Variants in SNX24 observed in about 807,000 individuals in gnomAD.
The protein encoded by SNX24 is sorting nexin-24.
A neutral mutation model predicts 28.7 loss-of-function variants in SNX24; 22 were observed. The observed-to-expected ratio is 0.77, with a 90% confidence interval of 0.55 to 1.10. SNX24 has a LOEUF of 1.10. Ranked by LOEUF, SNX24 falls within the 50% of genes least tolerant of loss-of-function variation. The pLI, the probability that SNX24 is intolerant of heterozygous loss-of-function variation, is 0.00. For synonymous variants in SNX24, 69 were observed against 71.5 expected, an observed-to-expected ratio of 0.96 and a Z score of 0.18; for missense variants, 221 against 201.1, an observed-to-expected ratio of 1.10 and a Z score of -0.60.
rs113948066 is a variant in SNX24 at position 122,926,001 on chromosome 5, G to A, written c.61-10733G>A. Among the ~76,000 whole-genome samples the A allele has an allele frequency of 4.3e-3, 653 of 152,260 alleles. 4 individuals carry two copies. The highest frequency in any genetic ancestry group is 0.015 in the African/African-American group (621 of 41,530). ...TTGTATGTGTGTGGTGTGTGTATGT[G>A]AGTGTGTATGTTTGTGTGTGTGTGT... On this transcript the variant is annotated intron_variant, in intron 1 of 6. Transcript: ENST00000261369.
intron 3 of SNX24, among the ~76,000 whole-genome samples, chr5:122,951,274 AAAAAAAAAGAAAAAG>A (rs1398059427): frequency 1.3e-5 from 2 of 150,204 alleles, no homozygotes; most frequent in African/African-American, 4.9e-5. Flanking sequence ...CTCAAAAAAA[AAAAAAAAAGAAAAAG>A]AAAAGAAAAT....
chr5:122,915,891 C>T (rs531093049), intron 1 of SNX24, among the ~76,000 whole-genome samples: 2 of 152,338 alleles, frequency 1.3e-5, no homozygotes, highest in African/African-American at 4.8e-5. Context: ...TCCTCATATC[C>T]ACCGTCAACT....
chr5:122,971,662 G>A (rs916043862), intron 3 of SNX24, among the ~76,000 whole-genome samples: 1 of 152,138 alleles, frequency 6.6e-6, no homozygotes, highest in East Asian at 1.9e-4. Flanking sequence ...TATATCACAT[G>A]ATAAGGGAAA....
At chr5:122,956,846 T>C (rs934667790) in intron 3 of SNX24, among the ~76,000 whole-genome samples, 2 of 152,198 alleles carry the variant, frequency 1.3e-5, no homozygotes, top group East Asian at 1.9e-4. Flanking sequence ...TGGAGAAATA[T>C]CTCTTCAAGT....
chr5:122,854,533 A>AAC (rs1755092129), intron 1 of SNX24, among the ~76,000 whole-genome samples: 1 of 148,162 alleles, frequency 6.7e-6, no homozygotes, highest in Non-Finnish European at 1.5e-5. Flanking sequence ...AAAAACAAAA[A>AAC]AAAAAACATA....
At position 122,970,082 on chromosome 5, in the gene SNX24, G is replaced by A. The variant is rs142195638; in HGVS notation, c.249+23923G>A. On this transcript the variant is annotated intron_variant, in intron 3 of 6. Transcript: ENST00000261369. The stretch of plus-strand genomic sequence containing the variant: ...TTCCTTGTTTGTCCTCGCCGCTGCC[G>A]TTGTTGTTTACTGCTTTTTTCCTTT... Among the ~76,000 whole-genome samples, 26 of 151,594 alleles carry A rather than the reference G, an allele frequency of 1.7e-4. 1 individual carries two copies. The highest frequency in any genetic ancestry group is 1.7e-3 in the South Asian group (8 of 4,730).
At chr5:123,027,900 A>T (rs925787865) in intron 5 of SNX24, among the ~76,000 whole-genome samples, 1 of 152,238 alleles carries the variant, frequency 6.6e-6, no homozygotes, top group Non-Finnish European at 1.5e-5. Context: ...ATGGAGCTGG[A>T]TAGCTATAAT....
chr5:122,851,790 A>G (rs935763037), intron 1 of SNX24, among the ~76,000 whole-genome samples: 2 of 152,130 alleles, frequency 1.3e-5, no homozygotes, highest in Non-Finnish European at 2.9e-5. Context: ...TAATTCTTTC[A>G]TTCACTACAC....
At chr5:122,928,312 C>A (rs984172917) in intron 1 of SNX24, among the ~76,000 whole-genome samples, 1 of 152,172 alleles carries the variant, frequency 6.6e-6, no homozygotes, top group Admixed American at 6.5e-5. Flanking sequence ...AATAATGGAT[C>A]TTCAACAATG....
chr5:122,912,266 C>G (rs1581737867), intron 1 of SNX24, among the ~76,000 whole-genome samples: 1 of 138,174 alleles, frequency 7.2e-6, no homozygotes, highest in Admixed American at 7.5e-5. Flanking sequence ...ATTTGGCTCT[C>G]TGTTTGTCTG....
intron 2 of SNX24, among the ~76,000 whole-genome samples, chr5:122,937,801 T>A (rs955406218): frequency 6.6e-6 from 1 of 152,184 alleles, no homozygotes; most frequent in Non-Finnish European, 1.5e-5. Flanking sequence ...AGACCAGATG[T>A]TGCCAGTGAC....
chr5:122,884,049 C>T (rs897511526), intron 1 of SNX24, among the ~76,000 whole-genome samples: 3 of 152,110 alleles, frequency 2.0e-5, no homozygotes, highest in African/African-American at 7.2e-5. Context: ...ACAGATTTAG[C>T]AAACACTATT....
At chr5:122,998,163 T>G (rs543967224) in intron 3 of SNX24, 2 of 152,276 alleles carry the variant, frequency 1.3e-5, no homozygotes, top group Non-Finnish European at 1.5e-5. Flanking sequence ...GTTTTTTTTT[T>G]CTTTTTATTT....
At chr5:122,972,705 G>A (rs561246662) in intron 3 of SNX24, among the ~76,000 whole-genome samples, 7 of 152,308 alleles carry the variant, frequency 4.6e-5, no homozygotes, top group African/African-American at 1.4e-4. Flanking sequence ...GAAGCATTGC[G>A]TGCAGGATAG....
intron 3 of SNX24, among the ~76,000 whole-genome samples, chr5:122,970,610 A>T (rs916533108): frequency 1.3e-5 from 2 of 152,160 alleles, no homozygotes; most frequent in African/African-American, 4.8e-5. Flanking sequence ...CTGGGACTAC[A>T]GGTGCCCGCC....
chr5:122,938,500 A>G (rs532337403), intron 2 of SNX24, among the ~76,000 whole-genome samples: 36 of 152,348 alleles, frequency 2.4e-4, no homozygotes, highest in Non-Finnish European at 4.6e-4. Context: ...TTACAGGGAC[A>G]TAGAGATAAA....
At chr5:122,920,309 G>A (rs1196400751) in intron 1 of SNX24, among the ~76,000 whole-genome samples, 2 of 152,192 alleles carry the variant, frequency 1.3e-5, no homozygotes, top group African/African-American at 4.8e-5. Flanking sequence ...AAGTAAGGTA[G>A]CATAAGTAAG....
At chr5:122,953,977 A>G (rs1315631900) in intron 3 of SNX24, among the ~76,000 whole-genome samples, 4 of 152,192 alleles carry the variant, frequency 2.6e-5, no homozygotes, top group African/African-American at 9.6e-5. Flanking sequence ...CCCCTGAGTT[A>G]CTGTCTTCAC....
chr5:122,897,477 TAA>T (rs1391402946), intron 1 of SNX24, among the ~76,000 whole-genome samples: 1 of 152,184 alleles, frequency 6.6e-6, no homozygotes, highest in Non-Finnish European at 1.5e-5. Flanking sequence ...ACTAACATGT[TAA>T]AGGAAAGAAT....
Sources: allele counts gnomAD v4.1 joint callset (sites outside exome capture counted in the v4.1 genomes callset), GRCh38; gene constraint gnomAD v4.1.1; transcripts MANE v1.5; gene names NCBI Gene and HGNC (gene_info 2026-07-23, HGNC 2026-07-21).